DNAI4: variants seen among roughly 807,000 people sequenced by gnomAD.
DNAI4 encodes the protein WD repeat domain 78.
In DNAI4, 85 loss-of-function variants were observed where a neutral mutation model predicts 105.8. The observed-to-expected ratio is 0.80, with a 90% CI of 0.67 to 0.96. The LOEUF is 0.96. Ranked by LOEUF, DNAI4 falls within the 40% of genes least tolerant of loss-of-function variation. The pLI is 0.00. For synonymous variants in DNAI4, 352 were observed against 331.5 expected, an observed-to-expected ratio of 1.06 and a Z score of -0.67; for missense variants, 1,014 against 1,005.6, an observed-to-expected ratio of 1.01 and a Z score of -0.11.
At chr1:66,831,538 T>A (rs183679645) in intron 13 of DNAI4, among the ~76,000 whole-genome samples, 1 of 152,340 alleles carries the variant, frequency 6.6e-6, no homozygotes, top group East Asian at 1.9e-4. Context: ...ATCATCTTTA[T>A]ACATACGGAA....
At chr1:66,849,034 G>A (rs1646338652) in intron 7 of DNAI4, among the ~76,000 whole-genome samples, 1 of 152,172 alleles carries the variant, frequency 6.6e-6, no homozygotes, top group South Asian at 2.1e-4. Context: ...CAAACATAAT[G>A]ATAGTGGTCC....
chr1:66,917,959 C>A (rs1650186340), intron 1 of DNAI4, among the ~76,000 whole-genome samples: 1 of 152,164 alleles, frequency 6.6e-6, no homozygotes, highest in African/African-American at 2.4e-5. Flanking sequence ...GGGTTTCTGA[C>A]CTGTGTTAAG....
chr1:66,900,950 C>T lies in DNAI4; in HGVS notation c.345+4251G>A, dbSNP rs547580886. Among the ~76,000 whole-genome samples, 7 of 152,262 alleles carry T rather than the reference C, an allele frequency of 4.6e-5. No individual in the cohort carries two copies. The South Asian group carries it at 1.4e-3, about 32-fold the overall frequency. On this transcript the variant is annotated intron_variant, in intron 2 of 16. Transcript: ENST00000371026. ...ATAATGTTGAATAGCAATGCAAGGACTTGTCTTGTTCCTGATCATAAGGAG... is the reference window on the plus strand; with the variant it reads ...ATAATGTTGAATAGCAATGCAAGGATTTGTCTTGTTCCTGATCATAAGGAG...
At chr1:66,837,172 T>C (rs1646042681) in intron 10 of DNAI4, among the ~76,000 whole-genome samples, 1 of 152,116 alleles carries the variant, frequency 6.6e-6, no homozygotes, top group African/African-American at 2.4e-5. Context: ...GAGACCATCC[T>C]GGCCAACATT....
At chr1:66,902,298 A>T (rs943553864) in intron 2 of DNAI4, among the ~76,000 whole-genome samples, 7 of 152,152 alleles carry the variant, frequency 4.6e-5, no homozygotes, top group Admixed American at 2.0e-4. Context: ...TTTGATTTGC[A>T]TTTCCCTAAT....
chr1:66,849,570 A>G (rs561273232), intron 7 of DNAI4, among the ~76,000 whole-genome samples: 26 of 152,312 alleles, frequency 1.7e-4, no homozygotes, highest in African/African-American at 6.0e-4. Context: ...GCCCCTATAC[A>G]CCAACATCAA....
intron 1 of DNAI4, among the ~76,000 whole-genome samples, chr1:66,920,240 G>A (rs1650370369): frequency 6.6e-6 from 1 of 152,152 alleles, no homozygotes; most frequent in Non-Finnish European, 1.5e-5. Context: ...TCTGGCTGGG[G>A]ACGGCTGAAC....
chr1:66,863,229 T>A (rs928102636), intron 6 of DNAI4, among the ~76,000 whole-genome samples: 9 of 152,226 alleles, frequency 5.9e-5, no homozygotes, highest in Non-Finnish European at 1.3e-4. Context: ...TTATCAGCGA[T>A]CATGTAACAA....
At chr1:66,831,277 C>T (rs1280001360) in intron 13 of DNAI4, among the ~76,000 whole-genome samples, 1 of 151,984 alleles carries the variant, frequency 6.6e-6, no homozygotes, top group Non-Finnish European at 1.5e-5. Flanking sequence ...TATGAAAATT[C>T]TTTCTAAAAG....
chr1:66,891,184 A>G lies in DNAI4; in HGVS notation c.613T>C (p.Tyr205His). Residue 205 changes from tyrosine (Y) to histidine (H), a missense_variant, in exon 4 of 17, where the codon TAT becomes CAT. Tyr to His is a moderately conservative substitution (Grantham distance 83). Coordinates refer to ENST00000371026, the MANE Select transcript of DNAI4 (RefSeq NM_024763.5). ...AAACTAGTCAATCTTTCCCGTTTAT[A>G]GGATGGTTCTTCCAGGTCTTCTGCT... ...SIAEDLEEPS[Y>H]KRERLTSFTD... The G allele has an allele frequency of 6.2e-7, 1 of 1,613,674 alleles. No individual in the cohort carries two copies. Among genetic ancestry groups the G allele is most frequent in the Non-Finnish European group, 8.5e-7 (1 of 1,179,672 alleles).
chr1:66,874,777 A>G lies in DNAI4; in HGVS notation c.800+4T>C. On this transcript the variant is annotated splice_donor_region_variant and intron_variant, in intron 5 of 16. Coordinates refer to ENST00000371026, the MANE Select transcript of DNAI4 (RefSeq NM_024763.5). ...AACAATGTAGACAACTGAACCATAC[A>G]TACGTTACTTTCTCAGCTTCTTCAG... The G allele has an allele frequency of 6.2e-7, 1 of 1,603,666 alleles. No individual in the cohort carries two copies. The highest frequency in any genetic ancestry group is 8.5e-7 in the Non-Finnish European group (1 of 1,177,178).
rs183852560 is a variant in DNAI4, at chr1:66,843,360, T to C, written c.1292-2689A>G. Among the ~76,000 whole-genome samples, 200 of 152,244 alleles carry C rather than the reference T, an allele frequency of 1.3e-3. 1 individual carries two copies. The highest frequency in any genetic ancestry group is 4.0e-3 in the African/African-American group (165 of 41,560). ...TCAGTGAGGTATCTCTTCAGGTCTT[T>C]TGCCCATTTTAATCATGTTGTTTAT... On this transcript the variant is annotated intron_variant, in intron 8 of 16. Transcript: ENST00000371026.
chr1:66,837,697 T>C lies in DNAI4; in HGVS notation c.1581+13A>G. Reference sequence around the variant, plus strand: ...AGCCAGATAAAAATGCTTCTTATTCTTGTTTGGGTTACCATGGGATTCTTT... The same window carrying C: ...AGCCAGATAAAAATGCTTCTTATTCCTGTTTGGGTTACCATGGGATTCTTT... On this transcript the variant is annotated intron_variant, in intron 10 of 16. Transcript: ENST00000371026. 6.2e-7 allele frequency: 1 copy of C among 1,602,680 alleles called. No homozygotes were observed. The highest frequency in any genetic ancestry group is 8.5e-7 in the Non-Finnish European group (1 of 1,174,996).
At chr1:66,852,324 T>C (rs895510091) in intron 7 of DNAI4, among the ~76,000 whole-genome samples, 2 of 151,994 alleles carry the variant, frequency 1.3e-5, no homozygotes, top group Admixed American at 6.6e-5. Context: ...TTGTCACTAA[T>C]TCTACATAAC....
At position 66,890,495 on chromosome 1, in the gene DNAI4, A is replaced by T. The variant is rs912992853; in HGVS notation, c.643+659T>A. The T allele has an allele frequency of 2.0e-5, 3 of 153,224 alleles. No individual in the cohort carries two copies. The highest frequency in any genetic ancestry group is 6.5e-5 in the Admixed American group (1 of 15,286). 9.5% of individuals were successfully genotyped at this position (153,224 alleles called of 1,614,324 possible). On this transcript the variant is annotated intron_variant, in intron 4 of 16. Transcript: ENST00000371026. The surrounding 1 kb of genome is among the most constrained non-coding windows in gnomAD (Gnocchi z 4.1). Reference sequence around the variant, plus strand: ...ACACCTGCAATCCCAGCTACTTGGGAGGCTGAGAGAGGAGAATTGCTTGAA... The same window carrying T: ...ACACCTGCAATCCCAGCTACTTGGGTGGCTGAGAGAGGAGAATTGCTTGAA...
intron 6 of DNAI4, among the ~76,000 whole-genome samples, chr1:66,868,006 G>A (rs1161847826): frequency 6.6e-6 from 1 of 152,036 alleles, no homozygotes; most frequent in Non-Finnish European, 1.5e-5. Flanking sequence ...ATTTCATCAG[G>A]AATGAAGTCT....
At chr1:66,838,141 A>G (rs544705397) in intron 9 of DNAI4, among the ~76,000 whole-genome samples, 5 of 152,360 alleles carry the variant, frequency 3.3e-5, no homozygotes, top group East Asian at 1.9e-4. Context: ...TTTCAAATGT[A>G]AAATAAAGGA....
chr1:66,895,806 C>G (rs1648282425), intron 2 of DNAI4, among the ~76,000 whole-genome samples: 1 of 152,034 alleles, frequency 6.6e-6, no homozygotes, highest in Non-Finnish European at 1.5e-5. Flanking sequence ...TGATCATATG[C>G]TTTTTTACCA....
intron 11 of DNAI4, among the ~76,000 whole-genome samples, chr1:66,835,243 A>AT (rs1291358811): frequency 6.9e-6 from 1 of 145,548 alleles, no homozygotes; most frequent in African/African-American, 2.5e-5. Context: ...TAGATAGATA[A>AT]GATAGATTTA....
Sources: allele counts gnomAD v4.1 joint callset (sites outside exome capture counted in the v4.1 genomes callset), GRCh38; gene constraint gnomAD v4.1.1; non-coding constraint Gnocchi (gnomAD v3.1); transcripts MANE v1.5; gene names NCBI Gene and HGNC (gene_info 2026-07-23, HGNC 2026-07-21).